The following DPP10 variants were observed in gnomAD, a reference collection of about 807,000 sequenced individuals.
DPP10 encodes dipeptidyl peptidase like 10.
Under a neutral mutation model 120.9 loss-of-function variants are expected in DPP10, and 33 were observed. That is an observed-to-expected ratio of 0.27 (90% CI 0.21 to 0.37). The LOEUF (loss-of-function observed/expected upper bound fraction) is 0.37. DPP10 is among the 10% of genes least tolerant of loss of function. The probability of loss-of-function intolerance (pLI) is 1.00; values close to 1 mark genes in which losing one functional copy is unlikely to be tolerated. For missense variants in DPP10, 816 were observed against 942.8 expected, an observed-to-expected ratio of 0.87 and a Z score of 1.76; for synonymous variants, 337 against 326.1, an observed-to-expected ratio of 1.03 and a Z score of -0.36.
At chr2:114,644,610 T>C (rs957121796) in intron 1 of DPP10, among the ~76,000 whole-genome samples, 1 of 151,860 alleles carries the variant, frequency 6.6e-6, no homozygotes, top group African/African-American at 2.4e-5. Flanking sequence ...TTTTAAAAGC[T>C]ATGCAGTGAT....
intron 1 of DPP10, among the ~76,000 whole-genome samples, chr2:114,668,777 T>G (rs1035970997): frequency 4.6e-5 from 7 of 152,200 alleles, no homozygotes; most frequent in Non-Finnish European, 1.0e-4. Flanking sequence ...CCTTTCTTTC[T>G]CTGTGGAATG....
intron 2 of DPP10, among the ~76,000 whole-genome samples, chr2:115,333,284 T>G (rs1460289400): frequency 6.6e-6 from 1 of 152,156 alleles, no homozygotes; most frequent in East Asian, 1.9e-4. Context: ...TGGTAGATCT[T>G]CCTCCATCCC....
chr2:115,661,876 A>G lies in DPP10; in HGVS notation c.442-27811A>G, dbSNP rs559126262. 4.9e-4 allele frequency among the ~76,000 whole-genome samples: 75 copies of G among 152,356 alleles called. 1 individual carries two copies. The highest frequency in any genetic ancestry group is 1.8e-3 in the African/African-American group (74 of 41,592). ...TACTATCATCTATTTTTGTGTGATA[A>G]GAATAGTTAAGATCTATCCTCTTAG... On this transcript the variant is annotated intron_variant, in intron 5 of 25. Coordinates refer to ENST00000410059, the MANE Select transcript of DPP10 (RefSeq NM_020868.6).
chr2:115,022,776 C>G lies in DPP10; in HGVS notation c.61-286463C>G, dbSNP rs145554340. Reference sequence around the variant, plus strand: ...TACTATAAGGCCATAGTCATCAAAACAGCATGGTACTTGTATGAAAAAGGG... The same window carrying G: ...TACTATAAGGCCATAGTCATCAAAAGAGCATGGTACTTGTATGAAAAAGGG... On this transcript the variant is annotated intron_variant, in intron 1 of 25. Coordinates refer to ENST00000410059, the MANE Select transcript of DPP10 (RefSeq NM_020868.6). Among the ~76,000 whole-genome samples the G allele has an allele frequency of 2.5e-3, 388 of 152,238 alleles. 1 individual carries two copies. Among genetic ancestry groups the G allele is most frequent in the African/African-American group, 8.8e-3 (366 of 41,556 alleles).
intron 1 of DPP10, among the ~76,000 whole-genome samples, chr2:114,811,923 G>A (rs1685208772): frequency 6.6e-6 from 1 of 152,198 alleles, no homozygotes; most frequent in Admixed American, 6.5e-5. Flanking sequence ...CTCAATAGGA[G>A]AGGCTGTCCG....
chr2:115,217,144 A>C (rs2056879293), intron 1 of DPP10, among the ~76,000 whole-genome samples: 1 of 152,154 alleles, frequency 6.6e-6, no homozygotes, highest in African/African-American at 2.4e-5. Context: ...ACACTTCATA[A>C]TTAGGAGTAA....
intron 1 of DPP10, among the ~76,000 whole-genome samples, chr2:114,683,612 C>T (rs1361129808): frequency 6.8e-6 from 1 of 147,414 alleles, no homozygotes; most frequent in African/African-American, 2.5e-5. Flanking sequence ...TTCTTGCTTG[C>T]TTGCTTTCTC....
At chr2:114,971,755 T>G (rs1558939364) in intron 1 of DPP10, among the ~76,000 whole-genome samples, 1 of 152,184 alleles carries the variant, frequency 6.6e-6, no homozygotes, top group Non-Finnish European at 1.5e-5. Flanking sequence ...AAGGCACAAC[T>G]TCAGATGTTT....
intron 1 of DPP10, among the ~76,000 whole-genome samples, chr2:114,535,250 G>A (rs1203547005): frequency 1.3e-5 from 2 of 152,066 alleles, no homozygotes; most frequent in East Asian, 3.9e-4. Context: ...TCTGTGGAGT[G>A]AAGAAGAACA....
rs143505689 is a variant in DPP10, at chr2:114,819,195, T to C, written c.60+376357T>C. Among the ~76,000 whole-genome samples, 1,423 of 151,930 alleles carry C rather than the reference T, an allele frequency of 9.4e-3. 19 individuals carry two copies. Among genetic ancestry groups the C allele is most frequent in the African/African-American group, 0.033 (1,350 of 41,296 alleles). ...GTTTTGTGATTTATTTATTGGAACT[T>C]ACTAAGCTTTTTTTTTTTTTTAGAT... On this transcript the variant is annotated intron_variant, in intron 1 of 25. Transcript: ENST00000410059.
intron 21 of DPP10, among the ~76,000 whole-genome samples, chr2:115,826,608 C>T (rs1688346700): frequency 6.6e-6 from 1 of 152,128 alleles, no homozygotes; most frequent in East Asian, 1.9e-4. Context: ...GTAATCCCAG[C>T]TACTTGGAAG....
At chr2:114,494,420 A>G (rs574078677) in intron 1 of DPP10, among the ~76,000 whole-genome samples, 1 of 152,328 alleles carries the variant, frequency 6.6e-6, no homozygotes, top group East Asian at 1.9e-4. Flanking sequence ...TGGATATTAA[A>G]GAGAGAAAGG....
rs367883347 is a variant in DPP10, at chr2:115,791,404, AT to A, written c.1700+53del. 1.5e-4 allele frequency: 218 copies of A among 1,499,268 alleles called. No homozygotes were observed. In the East Asian group the frequency reaches 4.8e-3, roughly 33 times the overall value. The allele number at this position is 1,499,268 out of a possible 1,614,324, so 92.9% of individuals were successfully genotyped here. A position where few individuals can be genotyped will look rare whatever the true frequency, so the allele number is the denominator to read the frequency against. On this transcript the variant is annotated intron_variant, in intron 19 of 25. Coordinates refer to ENST00000410059, the MANE Select transcript of DPP10 (RefSeq NM_020868.6). ...AAATAAAGGAATCTAAAGATTTTAT[AT>A]TTTTGTGTCTCACATGACAACATTT...
At chr2:114,554,849 T>A (rs1240808445) in intron 1 of DPP10, among the ~76,000 whole-genome samples, 1 of 152,164 alleles carries the variant, frequency 6.6e-6, no homozygotes, top group East Asian at 1.9e-4. Context: ...TTCTGATTAA[T>A]CCCTTTGCTA....
At chr2:114,496,184 T>C (rs1177526358) in intron 1 of DPP10, among the ~76,000 whole-genome samples, 1 of 152,030 alleles carries the variant, frequency 6.6e-6, no homozygotes, top group Non-Finnish European at 1.5e-5. Context: ...GGAGAGAAGA[T>C]GTTTGGGGTT....
intron 1 of DPP10, among the ~76,000 whole-genome samples, chr2:114,929,855 A>T (rs985934684): frequency 6.0e-4 from 92 of 152,198 alleles, no homozygotes; most frequent in Non-Finnish European, 2.5e-4. Context: ...TTCACAATTT[A>T]TGTTCAGAGA....
In DPP10 at chr2:114,450,119, G is replaced by C. The variant is rs1229474176; in HGVS notation, c.60+7281G>C. The stretch of plus-strand genomic sequence containing the variant: ...TGCATTGAGGAGGAATTGTATCATG[G>C]AATAAATATAGGCTTCATATGATCT... On this transcript the variant is annotated intron_variant, in intron 1 of 25. Transcript: ENST00000410059. Among the ~76,000 whole-genome samples the C allele has an allele frequency of 1.1e-4, 17 of 152,106 alleles. 1 individual carries two copies. The highest frequency in any genetic ancestry group is 1.1e-3 in the Admixed American group (17 of 15,252).
chr2:114,611,448 T>TC (rs1693279416), intron 1 of DPP10, among the ~76,000 whole-genome samples: 2 of 152,162 alleles, frequency 1.3e-5, no homozygotes, highest in Admixed American at 6.5e-5. Context: ...ACCCCACAGT[T>TC]CAGACAAAAC....
intron 1 of DPP10, among the ~76,000 whole-genome samples, chr2:114,989,252 A>C (rs1232738999): frequency 6.6e-6 from 1 of 152,124 alleles, no homozygotes; most frequent in East Asian, 1.9e-4. Context: ...CATTGTCATC[A>C]GGGGTCTATG....
Sources: gnomAD v4.1 joint callset for allele counts (sites outside exome capture counted in the v4.1 genomes callset) on GRCh38, gnomAD v4.1.1 for gene constraint, MANE v1.5 for transcripts, NCBI Gene and HGNC (gene_info 2026-07-23, HGNC 2026-07-21) for gene names.